Variants in PIK3C2B observed in about 807,000 individuals in gnomAD.
PIK3C2B encodes the protein phosphatidylinositol 4-phosphate 3-kinase C2 domain-containing subunit beta.
Under a neutral mutation model 184.3 loss-of-function variants are expected in PIK3C2B, and 83 were observed. The observed-to-expected ratio is 0.45, with a 90% CI of 0.38 to 0.54. The LOEUF is 0.54. Among genes scored for constraint, PIK3C2B ranks in the 20% least tolerant of loss-of-function variants. The pLI, the probability that PIK3C2B is intolerant of heterozygous loss-of-function variation, is 0.00. For synonymous variants in PIK3C2B, 779 were observed against 837.6 expected (o/e 0.93, Z 1.21); for missense variants, 1,736 against 2,113.5 (o/e 0.82, Z 3.50).
At chr1:204,488,152 G>A (rs1182629869) in intron 1 of PIK3C2B, among the ~76,000 whole-genome samples, 1 of 152,178 alleles carries the variant, frequency 6.6e-6, no homozygotes, top group African/African-American at 2.4e-5. Flanking sequence ...AAGTGGTGGA[G>A]CCAGGCTTTG....
rs377552350 is a variant in PIK3C2B, at chr1:204,457,005, G to T, written c.1747+32C>A. 5.1e-6 allele frequency: 8 copies of T among 1,555,172 alleles called. No homozygotes were observed. The African/African-American group carries it at 1.1e-4, about 21-fold the overall frequency. On this transcript the variant is annotated intron_variant, in intron 10 of 32. Coordinates refer to ENST00000684373, the MANE Select transcript of PIK3C2B (RefSeq NM_001377334.1). ...CAGAGACTGCAGTTTTCGGCAGCCC[G>T]ACTGGATGAAGATGGAGAGCAGTTC...
chr1:204,457,690 C>G, intron 9 of PIK3C2B, 38 bp downstream of exon 9: 1 of 1,565,932 alleles, frequency 6.4e-7, no homozygotes, highest in Non-Finnish European at 8.6e-7. Context: ...CAGTATCCCT[C>G]TCTTCCTTTC....
Position 204,440,262 on chromosome 1 carries a change from C to G in PIK3C2B, c.3309G>C (p.Lys1103Asn). The G allele has an allele frequency of 6.2e-7, 1 of 1,611,086 alleles. No individual in the cohort carries two copies. The highest frequency in any genetic ancestry group is 1.1e-5 in the South Asian group (1 of 90,932). ...TGTCCAGCCCCTCCTGGACCCAGATCTTGCTCATGATGCGAATCATCTGCA... is the reference window on the plus strand; with the variant it reads ...TGTCCAGCCCCTCCTGGACCCAGATGTTGCTCATGATGCGAATCATCTGCA... ...LTLQMIRIMSKIWVQEGLDMR... is the reference protein window; with the variant it reads ...LTLQMIRIMSNIWVQEGLDMR... Residue 1103 changes from lysine (K) to asparagine (N), a missense_variant, in exon 22 of 33, where the codon AAG becomes AAC. Lys to Asn is a moderately conservative substitution (Grantham distance 94, BLOSUM62 0). Transcript: ENST00000684373.
intron 21 of PIK3C2B, 114 bp downstream of exon 21, chr1:204,441,357 A>G: frequency 3.1e-6 from 2 of 638,788 alleles, no homozygotes; most frequent in South Asian, 1.9e-5. Context: ...TTCCTACATT[A>G]AGACAGCATG....
chr1:204,476,899 G>A (rs371748743), intron 1 of PIK3C2B, among the ~76,000 whole-genome samples: 12 of 152,334 alleles, frequency 7.9e-5, no homozygotes, highest in African/African-American at 1.4e-4. Context: ...GATGGAAATC[G>A]TCCAGAAGGT....
chr1:204,450,259 C>T (rs1277865144), intron 12 of PIK3C2B: 19 of 418,696 alleles, frequency 4.5e-5, no homozygotes, highest in South Asian at 1.6e-4. Context: ...TAGAGTGAGG[C>T]GAACATCCCG....
chr1:204,453,569 G>A (rs1654556740), intron 12 of PIK3C2B, among the ~76,000 whole-genome samples: 1 of 152,034 alleles, frequency 6.6e-6, no homozygotes, highest in South Asian at 2.1e-4. Context: ...AGAAATAGAG[G>A]CTCACTCCTG....
Position 204,454,764 on chromosome 1 carries a change from G to T in PIK3C2B, c.1971C>A (p.Ser657=). ...ACAGCTCCTTGCCGCCATGGCTGAG[G>T]GAGCAGGAGAGGTAGAAATCTTCAT... ...TSYEDFYLSC[S]LSHGGKELCS... The change falls in exon 12 of 33, where the codon TCC becomes TCA. Residue 657 remains serine (S), a synonymous_variant. Transcript: ENST00000684373. The T allele has an allele frequency of 6.2e-7, 1 of 1,613,294 alleles. No homozygotes were observed.
intron 19 of PIK3C2B, among the ~76,000 whole-genome samples, chr1:204,442,861 C>T (rs757922483): frequency 6.6e-6 from 1 of 152,230 alleles, no homozygotes; most frequent in Non-Finnish European, 1.5e-5. Context: ...GATGGCAGAA[C>T]AGCATGAAGC....
chr1:204,492,745 C>T (rs1658089084), intron 1 of PIK3C2B, among the ~76,000 whole-genome samples: 1 of 152,206 alleles, frequency 6.6e-6, no homozygotes, highest in South Asian at 2.1e-4. Context: ...CCCTTTCTCA[C>T]TCATGCTTCC....
At chr1:204,430,315 G>A (rs868794387) in intron 28 of PIK3C2B, among the ~76,000 whole-genome samples, 5 of 152,100 alleles carry the variant, frequency 3.3e-5, no homozygotes, top group Middle Eastern at 3.4e-3. Flanking sequence ...GAAATGGCTC[G>A]GGAGCCCTCA....
intron 14 of PIK3C2B, 124 bp downstream of exon 14, chr1:204,449,061 A>C: frequency 1.4e-6 from 1 of 698,252 alleles, no homozygotes; most frequent in Non-Finnish European, 2.5e-6. Flanking sequence ...CAGTCACATC[A>C]TCCTCCCATG....
chr1:204,467,645 G>C (rs1438777878), intron 2 of PIK3C2B, among the ~76,000 whole-genome samples: 1 of 152,008 alleles, frequency 6.6e-6, no homozygotes, highest in East Asian at 1.9e-4. Context: ...GACCAGCCTG[G>C]CCAATGTGGT....
chr1:204,473,526 T>C (rs1458790457), intron 1 of PIK3C2B, among the ~76,000 whole-genome samples: 1 of 152,228 alleles, frequency 6.6e-6, no homozygotes, highest in African/African-American at 2.4e-5. Flanking sequence ...GCCTAGTGCC[T>C]TATAGATAGG....
At chr1:204,432,523 T>G in intron 26 of PIK3C2B, 122 bp from the exon 27 acceptor site, 1 of 739,230 alleles carries the variant, frequency 1.4e-6, no homozygotes. Flanking sequence ...TCAAACCATT[T>G]TCCTGTGTCA....
chr1:204,483,944 G>A (rs1558285724), intron 1 of PIK3C2B, among the ~76,000 whole-genome samples: 1 of 152,216 alleles, frequency 6.6e-6, no homozygotes, highest in Non-Finnish European at 1.5e-5. Flanking sequence ...TGAGCGACCA[G>A]GGTGTGACCG....
At position 204,464,139 on chromosome 1, in the gene PIK3C2B, A is replaced by G; in HGVS notation, c.1190-7T>C. On this transcript the variant is annotated splice_polypyrimidine_tract_variant and splice_region_variant and intron_variant, in intron 4 of 32. Transcript: ENST00000684373. ...AAGTCTACAGTGGAGGAACCTGTGA[A>G]GGGTAAGGTAGGGGGAGCAATCATG... 1.9e-6 allele frequency: 3 copies of G among 1,613,568 alleles called. No individual in the cohort carries two copies. The highest frequency in any genetic ancestry group is 2.5e-6 in the Non-Finnish European group (3 of 1,179,732).
intron 1 of PIK3C2B, among the ~76,000 whole-genome samples, chr1:204,487,863 G>A (rs1045466888): frequency 8.6e-5 from 13 of 151,994 alleles, no homozygotes; most frequent in Non-Finnish European, 1.8e-4. Flanking sequence ...GGTGGGAGGG[G>A]GGTGCAATGT....
chr1:204,493,409 C>G (rs531868490), intron 1 of PIK3C2B, among the ~76,000 whole-genome samples: 1 of 152,036 alleles, frequency 6.6e-6, no homozygotes, highest in Non-Finnish European at 1.5e-5. Context: ...AGAGACAATA[C>G]AGCGATTCCA....
Sources: gnomAD v4.1 joint callset for allele counts (sites outside exome capture counted in the v4.1 genomes callset) on GRCh38, gnomAD v4.1.1 for gene constraint, MANE v1.5 for transcripts, NCBI Gene and HGNC (gene_info 2026-07-23, HGNC 2026-07-21) for gene names.